CDH13: variants seen among roughly 807,000 people sequenced by gnomAD.
The protein encoded by CDH13 is cadherin-13.
In CDH13, 24 loss-of-function variants were observed where a neutral mutation model predicts 63.8. The observed-to-expected ratio is 0.38, with a 90% confidence interval of 0.27 to 0.53. The LOEUF (loss-of-function observed/expected upper bound fraction) is 0.53, where lower values mean the gene tolerates loss of function less well. Among genes scored for constraint, CDH13 ranks in the 20% least tolerant of loss-of-function variants. CDH13 has a pLI of 0.85. For synonymous variants in CDH13, 503 were observed against 355.3 expected (o/e 1.42, Z -4.67); for missense variants, 1,049 against 903.1 (o/e 1.16, Z -2.07).
intron 5 of CDH13, among the ~76,000 whole-genome samples, chr16:83,323,442 G>A (rs1442028872): frequency 4.0e-5 from 6 of 150,226 alleles, no homozygotes; most frequent in Admixed American, 1.3e-4. Flanking sequence ...CACCACATCC[G>A]GCTAATTTTT....
intron 5 of CDH13, among the ~76,000 whole-genome samples, chr16:83,249,628 G>C (rs1380039477): frequency 6.6e-6 from 1 of 152,216 alleles, no homozygotes; most frequent in African/African-American, 2.4e-5. Context: ...GTGTCTGAGA[G>C]CAGGTCCATG....
intron 3 of CDH13, among the ~76,000 whole-genome samples, chr16:83,101,710 A>G (rs912927291): frequency 1.1e-4 from 17 of 152,104 alleles, no homozygotes; most frequent in Middle Eastern, 3.2e-3. Context: ...AGGATAATCA[A>G]TTGAACCTGG....
chr16:82,797,773 C>CCGTG (rs1491025974), intron 1 of CDH13, among the ~76,000 whole-genome samples: 24 of 88,186 alleles, frequency 2.7e-4, no homozygotes, highest in African/African-American at 9.1e-4. Context: ...GACTTTAGGG[C>CCGTG]CGTGTGTGTG....
At chr16:82,986,052 A>G (rs907193668) in intron 2 of CDH13, among the ~76,000 whole-genome samples, 1 of 152,038 alleles carries the variant, frequency 6.6e-6, no homozygotes, top group Non-Finnish European at 1.5e-5. Context: ...TTTTTAAACT[A>G]CCCTGTCTCA....
intron 3 of CDH13, among the ~76,000 whole-genome samples, chr16:83,098,776 C>T (rs1012690225): frequency 1.3e-5 from 2 of 152,126 alleles, no homozygotes; most frequent in African/African-American, 4.8e-5. Flanking sequence ...TCTAGCTGCT[C>T]TCAAGAATTT....
chr16:83,780,235 C>G, intron 12 of CDH13, 34 bp downstream of exon 12: 1 of 1,372,640 alleles, frequency 7.3e-7, no homozygotes, highest in Non-Finnish European at 1.0e-6. Flanking sequence ...GCCTATTCTT[C>G]CAGCTTTCAG....
intron 8 of CDH13, among the ~76,000 whole-genome samples, chr16:83,603,757 T>A (rs1477048087): frequency 4.6e-5 from 7 of 152,156 alleles, no homozygotes; most frequent in Non-Finnish European, 1.0e-4. Context: ...ATTCTCACAC[T>A]GCTATAAAGA....
intron 6 of CDH13, among the ~76,000 whole-genome samples, chr16:83,469,316 G>A (rs1000949528): frequency 2.0e-5 from 3 of 152,146 alleles, no homozygotes; most frequent in African/African-American, 7.2e-5. Context: ...TGTTTCTCAG[G>A]CCCTAATATT....
At chr16:83,177,516 T>C (rs1016425588) in intron 4 of CDH13, among the ~76,000 whole-genome samples, 1 of 152,136 alleles carries the variant, frequency 6.6e-6, no homozygotes, top group African/African-American at 2.4e-5. Context: ...AAGTTGGAGA[T>C]TGTGATGATA....
intron 7 of CDH13, among the ~76,000 whole-genome samples, chr16:83,547,183 G>T (rs1488652675): frequency 1.3e-5 from 2 of 152,206 alleles, no homozygotes; most frequent in African/African-American, 4.8e-5. Flanking sequence ...TGGAATTATA[G>T]AGTATGGTAA....
intron 4 of CDH13, chr16:83,181,189 G>T: frequency 1.9e-6 from 1 of 533,474 alleles, no homozygotes; most frequent in Non-Finnish European, 3.2e-6. Context: ...CAAGAAATGA[G>T]GCCTCAGGCA....
intron 1 of CDH13, among the ~76,000 whole-genome samples, chr16:82,776,862 C>A (rs553250728): frequency 7.2e-5 from 11 of 152,156 alleles, no homozygotes; most frequent in Non-Finnish European, 1.3e-4. Flanking sequence ...TGCACAGAAC[C>A]AAAGCCCTGG....
At chr16:83,199,142 T>C (rs2038956046) in intron 4 of CDH13, among the ~76,000 whole-genome samples, 1 of 152,222 alleles carries the variant, frequency 6.6e-6, no homozygotes, top group Admixed American at 6.5e-5. Context: ...CTTGGATTCA[T>C]TTCCATTGTG....
In CDH13 at chr16:83,599,057, C is replaced by T. The variant is rs563694902; in HGVS notation, c.961-3397C>T. Among the ~76,000 whole-genome samples, 6 of 152,262 alleles carry T rather than the reference C, an allele frequency of 3.9e-5. No homozygotes were observed. The South Asian group carries it at 1.2e-3, about 32-fold the overall frequency. On this transcript the variant is annotated intron_variant, in intron 7 of 13. Transcript: ENST00000567109. ...AGATCAGGAGTGGGGTCAGCCCCAC[C>T]CACCTGAACTGTACCTGTACTGAGG...
intron 2 of CDH13, among the ~76,000 whole-genome samples, chr16:82,873,244 G>A (rs1343172413): frequency 6.6e-6 from 1 of 152,124 alleles, no homozygotes; most frequent in Non-Finnish European, 1.5e-5. Context: ...CAGGAGGAGG[G>A]CTGTCATTTG....
intron 7 of CDH13, among the ~76,000 whole-genome samples, chr16:83,504,874 G>T (rs2074361275): frequency 6.6e-6 from 1 of 152,140 alleles, no homozygotes; most frequent in South Asian, 2.1e-4. Context: ...TTAGTGTCCT[G>T]CCAGGTAAGT....
intron 1 of CDH13, among the ~76,000 whole-genome samples, chr16:82,780,429 A>T (rs972111274): frequency 6.6e-6 from 1 of 152,220 alleles, no homozygotes; most frequent in Non-Finnish European, 1.5e-5. Flanking sequence ...TCCCCATAGG[A>T]TAAATGACAG....
chr16:83,299,186 T>C (rs1450832870), intron 5 of CDH13, among the ~76,000 whole-genome samples: 1 of 152,144 alleles, frequency 6.6e-6, no homozygotes, highest in African/African-American at 2.4e-5. Flanking sequence ...GAATCATGTA[T>C]ATTTTCATTT....
chr16:83,372,611 G>A (rs937639650), intron 6 of CDH13, among the ~76,000 whole-genome samples: 1 of 151,910 alleles, frequency 6.6e-6, no homozygotes, highest in East Asian at 1.9e-4. Flanking sequence ...AATTTACTGG[G>A]TGTGGTGGCA....
Sources: gnomAD v4.1 joint callset for allele counts (sites outside exome capture counted in the v4.1 genomes callset) on GRCh38, gnomAD v4.1.1 for gene constraint, MANE v1.5 for transcripts, NCBI Gene and HGNC (gene_info 2026-07-23, HGNC 2026-07-21) for gene names.